Variants in ANKFY1 observed in about 807,000 individuals in gnomAD.
ANKFY1 encodes the protein ankyrin repeat and FYVE domain containing 1.
A neutral mutation model predicts 128.3 loss-of-function variants in ANKFY1; 47 were observed. The observed-to-expected ratio is 0.37, with a 90% CI of 0.29 to 0.47. The LOEUF (loss-of-function observed/expected upper bound fraction) is 0.47, where lower values mean the gene tolerates loss of function less well. Among genes scored for constraint, ANKFY1 ranks in the 20% least tolerant of loss-of-function variants. The pLI, the probability that ANKFY1 is intolerant of heterozygous loss-of-function variation, is 1.00. For synonymous variants in ANKFY1, 553 were observed against 601.6 expected (o/e 0.92, Z 1.18); for missense variants, 1,222 against 1,510.6 (o/e 0.81, Z 3.17).
intron 7 of ANKFY1, among the ~76,000 whole-genome samples, chr17:4,203,885 G>A (rs1408701897): frequency 1.3e-5 from 2 of 150,928 alleles, no homozygotes. Context: ...ACTGATGTTG[G>A]TTATTAAGGT....
chr17:4,227,897 A>T (rs1475358769), intron 3 of ANKFY1, among the ~76,000 whole-genome samples: 2 of 152,196 alleles, frequency 1.3e-5, no homozygotes, highest in Non-Finnish European at 2.9e-5. Context: ...AAGCACCTGG[A>T]GCTCTCATAT....
At position 4,195,208 on chromosome 17, in the gene ANKFY1, T is replaced by C. The variant is rs546997397; in HGVS notation, c.1173-31A>G. 1.3e-4 allele frequency: 198 copies of C among 1,572,964 alleles called. 1 individual carries two copies. The South Asian group carries it at 2.2e-3, about 17-fold the overall frequency. Reference sequence around the variant, plus strand: ...AAGCAGAAGCAGTGTCAACAGCACATACAATCTTTTTGAGACACTCTATAC... The same window carrying C: ...AAGCAGAAGCAGTGTCAACAGCACACACAATCTTTTTGAGACACTCTATAC... On this transcript the variant is annotated intron_variant, in intron 9 of 24. Coordinates refer to ENST00000341657, the MANE Select transcript of ANKFY1 (RefSeq NM_001330063.2).
intron 4 of ANKFY1, among the ~76,000 whole-genome samples, chr17:4,212,785 T>TG (rs1398802056): frequency 6.6e-6 from 1 of 151,532 alleles, no homozygotes; most frequent in Non-Finnish European, 1.5e-5. Flanking sequence ...TTTTTTTTTT[T>TG]TTTTGAGACG....
chr17:4,205,304 T>C (rs542117568), intron 7 of ANKFY1, among the ~76,000 whole-genome samples: 37 of 152,304 alleles, frequency 2.4e-4, no homozygotes, highest in Non-Finnish European at 3.8e-4. Flanking sequence ...TCTACCTCTA[T>C]ACAGATTTCA....
At chr17:4,185,680 T>C (rs935644630) in intron 11 of ANKFY1, among the ~76,000 whole-genome samples, 18 of 152,330 alleles carry the variant, frequency 1.2e-4, no homozygotes, top group South Asian at 4.1e-4. Flanking sequence ...CCGAAAGCAC[T>C]GGCTTCTTGA....
At chr17:4,233,843 C>T (rs1299201714) in intron 3 of ANKFY1, among the ~76,000 whole-genome samples, 1 of 152,330 alleles carries the variant, frequency 6.6e-6, no homozygotes, top group East Asian at 1.9e-4. Flanking sequence ...GTTCCTGGCA[C>T]TGCGCATGGA....
At chr17:4,222,621 G>T (rs748261910) in intron 3 of ANKFY1, 95 of 1,044,704 alleles carry the variant, frequency 9.1e-5, no homozygotes, top group Non-Finnish European at 1.3e-4. Flanking sequence ...ATTCTTCAAA[G>T]AATTTTACCG....
intron 17 of ANKFY1, 25 bp downstream of exon 17, chr17:4,179,689 ACCTCTCT>A (rs1438223010): frequency 5.6e-6 from 9 of 1,609,170 alleles, no homozygotes; most frequent in Non-Finnish European, 7.6e-6. Flanking sequence ...CTGGGGCTAC[ACCTCTCT>A]CCCCGGAAAA....
intron 3 of ANKFY1, among the ~76,000 whole-genome samples, chr17:4,224,384 G>A (rs1315327704): frequency 1.3e-5 from 2 of 151,948 alleles, no homozygotes; most frequent in African/African-American, 2.4e-5. Flanking sequence ...CACCACGCCC[G>A]ACTAATTTTT....
chr17:4,231,702 T>C (rs1228628771), intron 3 of ANKFY1, among the ~76,000 whole-genome samples: 2 of 152,036 alleles, frequency 1.3e-5, no homozygotes, highest in African/African-American at 4.8e-5. Context: ...AACAGGCCTT[T>C]GGGAGACCAA....
At chr17:4,227,528 C>T (rs2060445101) in intron 3 of ANKFY1, among the ~76,000 whole-genome samples, 2 of 152,018 alleles carry the variant, frequency 1.3e-5, no homozygotes, top group South Asian at 2.1e-4. Flanking sequence ...ATTGATAAAG[C>T]GTATCCAAGA....
At position 4,167,135 on chromosome 17, in the gene ANKFY1, G is replaced by C. The variant is rs534352977; in HGVS notation, c.*644C>G. 1 of 152,754 alleles carries C rather than the reference G, an allele frequency of 6.5e-6. No homozygotes were observed. Among genetic ancestry groups the C allele is most frequent in the Non-Finnish European group, 1.5e-5 (1 of 68,034 alleles). 9.5% of individuals were successfully genotyped at this position (152,754 alleles called of 1,614,324 possible). A position where few individuals can be genotyped will look rare whatever the true frequency, so the allele number is the denominator to read the frequency against. ...TGCACTCCTGACACCTCAGTAGCATGAACACTGTAAAGCTTTCAGTTGTTA... is the reference window on the plus strand; with the variant it reads ...TGCACTCCTGACACCTCAGTAGCATCAACACTGTAAAGCTTTCAGTTGTTA... On this transcript the variant is annotated 3_prime_UTR_variant, in exon 25 of 25. Transcript: ENST00000341657. This position sits in a 1 kb window ranked among gnomAD's most constrained non-coding sequence, Gnocchi z 4.1.
Position 4,169,545 on chromosome 17 carries a change from A to G in ANKFY1, c.3287-257T>C, listed in dbSNP as rs2059276686. Among the ~76,000 whole-genome samples, 1 of 152,168 alleles carries G rather than the reference A, an allele frequency of 6.6e-6. No individual in the cohort carries two copies. The highest frequency in any genetic ancestry group is 2.4e-5 in the African/African-American group (1 of 41,438). On this transcript the variant is annotated intron_variant, in intron 23 of 24. Transcript: ENST00000341657. This position sits in a 1 kb window ranked among gnomAD's most constrained non-coding sequence, Gnocchi z 5.0. ...TGAACCAGTGTGATGTCTGTGGGGG[A>G]AACACGTAGTCAGGGATGGCTGGGA...
At chr17:4,168,134 C>CTTTT (rs10684185) in intron 24 of ANKFY1, 31 of 223,306 alleles carry the variant, frequency 1.4e-4, no homozygotes, top group South Asian at 3.1e-4. Context: ...CTGAAGAAGG[C>CTTTT]TTTTTTTTTT....
In ANKFY1 at chr17:4,169,353, T is replaced by C; in HGVS notation, c.3287-65A>G. ...ACGGCGCCACGCAAGCCCCAGGGCT[T>C]GGAGGCAGCAGGAACACAGACCCGT... On this transcript the variant is annotated intron_variant, in intron 23 of 24. Transcript: ENST00000341657. This position sits in a 1 kb window ranked among gnomAD's most constrained non-coding sequence, Gnocchi z 5.0. The C allele has an allele frequency of 1.6e-6, 2 of 1,289,114 alleles. No homozygotes were observed. Among genetic ancestry groups the C allele is most frequent in the Middle Eastern group, 2.6e-4 (1 of 3,832 alleles). The allele number at this position is 1,289,114 out of a possible 1,614,324, so 79.9% of individuals were successfully genotyped here. A position where few individuals can be genotyped will look rare whatever the true frequency, so the allele number is the denominator to read the frequency against.
rs574290341 is a variant in ANKFY1, at chr17:4,250,921, A to G, written c.11-8473T>C. Among the ~76,000 whole-genome samples, 3 of 152,294 alleles carry G rather than the reference A, an allele frequency of 2.0e-5. No individual in the cohort carries two copies. In the East Asian group the frequency reaches 5.8e-4, roughly 29 times the overall value. On this transcript the variant is annotated intron_variant, in intron 1 of 24. Transcript: ENST00000341657. ...AACTGCTGGGATTACATGCATGCATAACCACAGACAGCTGATTCTAAAATT... is the reference window on the plus strand; with the variant it reads ...AACTGCTGGGATTACATGCATGCATGACCACAGACAGCTGATTCTAAAATT...
chr17:4,255,201 T>C (rs999869609), intron 1 of ANKFY1, among the ~76,000 whole-genome samples: 1 of 151,954 alleles, frequency 6.6e-6, no homozygotes, highest in African/African-American at 2.4e-5. Flanking sequence ...TCTTCTATTC[T>C]AGCCAAAACT....
At chr17:4,221,932 T>A (rs1252451683) in intron 3 of ANKFY1, among the ~76,000 whole-genome samples, 1 of 152,192 alleles carries the variant, frequency 6.6e-6, no homozygotes, top group Non-Finnish European at 1.5e-5. Context: ...GTTTTCTCAA[T>A]CTACTTCACA....
chr17:4,171,325 G>A (rs1328904061), intron 22 of ANKFY1, among the ~76,000 whole-genome samples: 5 of 152,262 alleles, frequency 3.3e-5, no homozygotes, highest in South Asian at 2.1e-4. Context: ...TTAGGAACAC[G>A]CTCCAGAAAG....
Sources: gnomAD v4.1 joint callset for allele counts (sites outside exome capture counted in the v4.1 genomes callset) on GRCh38, gnomAD v4.1.1 for gene constraint, Gnocchi (gnomAD v3.1) non-coding constraint, MANE v1.5 for transcripts, NCBI Gene and HGNC (gene_info 2026-07-23, HGNC 2026-07-21) for gene names.